Variants in TRPM5 observed in about 807,000 individuals in gnomAD.
TRPM5 encodes transient receptor potential cation channel subfamily M member 5.
In TRPM5, 121 loss-of-function variants were observed where a neutral mutation model predicts 124.9. That is an observed-to-expected ratio of 0.97 (90% confidence interval 0.84 to 1.13). TRPM5 has a LOEUF of 1.13. Among genes scored for constraint, TRPM5 ranks in the 50% most tolerant of loss-of-function variants. TRPM5 has a pLI of 0.00. For synonymous variants in TRPM5, 781 were observed against 700.5 expected, an observed-to-expected ratio of 1.11 and a Z score of -1.81; for missense variants, 1,643 against 1,589.1, an observed-to-expected ratio of 1.03 and a Z score of -0.58.
At chr11:2,433,322 G>A in the TRPM5 span, among the ~76,000 whole-genome samples, 1 of 152,256 alleles carries the variant, frequency 6.6e-6, no homozygotes, top group Non-Finnish European at 1.5e-5. Flanking sequence ...CCCGCAGAGG[G>A]TGCTTGGCGA....
chr11:2,442,225 T>C, the TRPM5 span, among the ~76,000 whole-genome samples: 4 of 152,210 alleles, frequency 2.6e-5, no homozygotes, highest in Admixed American at 2.6e-4. The surrounding 1 kb of genome is among the most constrained non-coding windows in gnomAD (Gnocchi z 5.9). Flanking sequence ...TAGTAGGATA[T>C]ACCTTTTTCC....
intron 18 of TRPM5, among the ~76,000 whole-genome samples, chr11:2,409,909 G>C (rs775310250): frequency 6.6e-6 from 1 of 152,174 alleles, no homozygotes; most frequent in Non-Finnish European, 1.5e-5. Context: ...TTCTCCCGTC[G>C]AGAAGGAGGC....
At position 2,422,231 on chromosome 11, in the gene TRPM5, A is replaced by C. The variant is rs757330384; in HGVS notation, c.208T>G (p.Ser70Ala). ...AAAGGCTGCTCCTCACCCACCAGGGACACCACCAGGTTGGGGGCCGGCAGG... is the reference window on the plus strand; with the variant it reads ...AAAGGCTGCTCCTCACCCACCAGGGCCACCACCAGGTTGGGGGCCGGCAGG... Residue 70 changes from serine (S) to alanine (A), a missense_variant, in exon 2 of 24, where the codon TCC becomes GCC. Transcript: ENST00000155858. 5.6e-6 allele frequency: 9 copies of C among 1,612,422 alleles called. No individual in the cohort carries two copies. The highest frequency in any genetic ancestry group is 1.3e-5 in the African/African-American group (1 of 74,958).
chr11:2,439,934 C>T, the TRPM5 span, among the ~76,000 whole-genome samples: 1 of 152,190 alleles, frequency 6.6e-6, no homozygotes, highest in Non-Finnish European at 1.5e-5. Context: ...ACCCAAGGTG[C>T]CCAACAGTGG....
intron 18 of TRPM5, among the ~76,000 whole-genome samples, chr11:2,410,262 C>T (rs1850418629): frequency 6.6e-6 from 1 of 152,226 alleles, no homozygotes; most frequent in Admixed American, 6.5e-5. Context: ...TCGCCCCCGC[C>T]TGTCCCCGGA....
chr11:2,420,360 C>A, exon 4 of TRPM5: 9 of 1,612,756 alleles, frequency 5.6e-6, no homozygotes, highest in Non-Finnish European at 7.6e-6. Context: ...CAGAGGGGGC[C>A]CTGGCTGCCG....
the TRPM5 span, among the ~76,000 whole-genome samples, chr11:2,429,156 T>C: frequency 2.0e-5 from 3 of 149,232 alleles, no homozygotes; most frequent in East Asian, 4.0e-4. The surrounding 1 kb of genome is among the most constrained non-coding windows in gnomAD (Gnocchi z 8.4). Context: ...ATGGTGATGA[T>C]TGTGGTGATG....
chr11:2,423,826 C>T (rs927568363), upstream of TRPM5, among the ~76,000 whole-genome samples: 1 of 152,184 alleles, frequency 6.6e-6, no homozygotes, highest in Non-Finnish European at 1.5e-5. Context: ...TCGGCACTGG[C>T]CCCTCAGCGC....
At chr11:2,409,323 A>C (rs1850394393) in intron 18 of TRPM5, among the ~76,000 whole-genome samples, 1 of 151,938 alleles carries the variant, frequency 6.6e-6, no homozygotes, top group Admixed American at 6.6e-5. Flanking sequence ...GGCCGGGGCC[A>C]GCCTGGAGAG....
chr11:2,406,509 T>C (rs1850325962), intron 21 of TRPM5, 152 bp downstream of exon 26: 2 of 1,087,990 alleles, frequency 1.8e-6, no homozygotes, highest in South Asian at 3.1e-5. Context: ...CAGGTCAGGC[T>C]GGAAAGCTAG....
chr11:2,413,517 G>A, exon 13 of TRPM5: 3 of 1,612,464 alleles, frequency 1.9e-6, no homozygotes, highest in Non-Finnish European at 2.5e-6. Context: ...CGGGGCAGAG[G>A]AAGGCTCCTA....
intron 14 of TRPM5, 55 bp downstream of exon 19, chr11:2,413,079 C>A: frequency 6.5e-7 from 1 of 1,541,576 alleles, no homozygotes; most frequent in South Asian, 1.2e-5. Flanking sequence ...AGAGTCCAGC[C>A]TCCCAGCCAC....
At chr11:2,423,122 CTG>C, upstream of TRPM5, 1 of 1,121,528 alleles carries the variant, frequency 8.9e-7, no homozygotes, top group Non-Finnish European at 1.3e-6. Flanking sequence ...GGGGCTGGCT[CTG>C]CTTTCCCCTG....
intron 12 of TRPM5, 33 bp downstream of exon 17, chr11:2,414,028 T>A: frequency 5.3e-5 from 7 of 132,668 alleles, no homozygotes; most frequent in Non-Finnish European, 9.7e-5. Flanking sequence ...CCCCACCCCC[T>A]GGCAGCTCTC....
At chr11:2,407,177 C>G in exon 20 of TRPM5, 1 of 1,611,682 alleles carries the variant, frequency 6.2e-7, no homozygotes, top group Non-Finnish European at 8.5e-7. Context: ...GCGTCAGGCT[C>G]AGGTGGCTGA....
At chr11:2,413,003 C>A in exon 15 of TRPM5, 1 of 1,603,944 alleles carries the variant, frequency 6.2e-7, no homozygotes, top group Non-Finnish European at 8.5e-7. Context: ...CCTCCACCAG[C>A]TCCTCCACCC....
At chr11:2,418,925 G>GGCA (rs1253517695) in intron 4 of TRPM5, among the ~76,000 whole-genome samples, 32 of 152,340 alleles carry the variant, frequency 2.1e-4, no homozygotes, top group African/African-American at 7.7e-4. Context: ...GCATGGCAGA[G>GGCA]GCAGCATCTC....
chr11:2,414,009 G>GGCCGCCCCCCCCCCCCCCCCC, intron 12 of TRPM5, 52 bp downstream of exon 17: 1 of 1,023,734 alleles, frequency 9.8e-7, no homozygotes, highest in Non-Finnish European at 1.4e-6. Context: ...GGCCCAGCTC[G>GGCCGCCCCCCCCCCCCCCCCC]CCCGCCCACC....
chr11:2,408,013 C>A (rs1007360477), intron 18 of TRPM5, 101 bp from the exon 24 acceptor site: 9 of 1,465,780 alleles, frequency 6.1e-6, no homozygotes, highest in Non-Finnish European at 8.3e-6. Context: ...GTGTTGAACC[C>A]AGGGGACGGG....
Sources: gnomAD v4.1 joint callset for allele counts (sites outside exome capture counted in the v4.1 genomes callset) on GRCh38, gnomAD v4.1.1 for gene constraint, Gnocchi (gnomAD v3.1) non-coding constraint, MANE v1.5 for transcripts, NCBI Gene and HGNC (gene_info 2026-07-23, HGNC 2026-07-21) for gene names.